KSR2: variants seen among roughly 807,000 people sequenced by gnomAD.
KSR2 encodes the protein kinase suppressor of ras 2.
In KSR2, 25 loss-of-function variants were observed where a neutral mutation model predicts 107.8. The ratio of observed to expected loss-of-function variants is 0.23; its 90% confidence interval spans 0.17 to 0.32. KSR2 has a LOEUF of 0.32. KSR2 is among the 10% of genes least tolerant of loss of function. The pLI, the probability that KSR2 is intolerant of heterozygous loss-of-function variation, is 1.00. For missense variants in KSR2, 887 were observed against 1,268.9 expected, an observed-to-expected ratio of 0.70 and a Z score of 4.57; for synonymous variants, 480 against 507.0, an observed-to-expected ratio of 0.95 and a Z score of 0.71.
chr12:117,713,895 C>T (rs1260291819), intron 4 of KSR2, among the ~76,000 whole-genome samples: 1 of 152,180 alleles, frequency 6.6e-6, no homozygotes, highest in African/African-American at 2.4e-5. Context: ...GCCAGCAACC[C>T]ATTGCTTCTA....
intron 5 of KSR2, among the ~76,000 whole-genome samples, chr12:117,667,023 A>G (rs1267585334): frequency 2.6e-5 from 4 of 152,214 alleles, no homozygotes; most frequent in Non-Finnish European, 5.9e-5. Context: ...TAAAGGTTAT[A>G]TATATTGACC....
At chr12:117,686,075 G>T (rs1156734428) in intron 4 of KSR2, among the ~76,000 whole-genome samples, 1 of 151,598 alleles carries the variant, frequency 6.6e-6, no homozygotes, top group Non-Finnish European at 1.5e-5. Flanking sequence ...TTGAAACAGG[G>T]TCTTGTTCTG....
Position 117,968,012 on chromosome 12 carries a change from G to A in KSR2, c.180+64C>T. Reference sequence around the variant, plus strand: ...GAAAGGGGACCGTGGGGAGAAAGGAGGGGGAAAGAAGGATTGCTTTTTTTT... The same window carrying A: ...GAAAGGGGACCGTGGGGAGAAAGGAAGGGGAAAGAAGGATTGCTTTTTTTT... On this transcript the variant is annotated intron_variant, in intron 1 of 19. Coordinates refer to ENST00000339824, the MANE Select transcript of KSR2 (RefSeq NM_173598.6). 8 of 1,395,526 alleles carry A rather than the reference G, an allele frequency of 5.7e-6. No individual in the cohort carries two copies. The South Asian group carries it at 8.7e-5, about 15-fold the overall frequency. 86.4% of individuals were successfully genotyped at this position (1,395,526 alleles called of 1,614,324 possible).
At chr12:117,773,491 C>T (rs1268706471) in intron 3 of KSR2, among the ~76,000 whole-genome samples, 2 of 152,166 alleles carry the variant, frequency 1.3e-5, no homozygotes, top group Non-Finnish European at 1.5e-5. Flanking sequence ...CAGGCAATCA[C>T]GTGGCTTAAA....
intron 5 of KSR2, among the ~76,000 whole-genome samples, chr12:117,605,941 CAGTT>C (rs1565922612): frequency 6.6e-6 from 1 of 152,054 alleles, no homozygotes; most frequent in African/African-American, 2.4e-5. Context: ...TTTTATGCCT[CAGTT>C]AGATTCCAGA....
intron 18 of KSR2, 80 bp from the exon 19 acceptor site, chr12:117,469,875 A>G: frequency 6.9e-7 from 1 of 1,440,870 alleles, no homozygotes; most frequent in Non-Finnish European, 9.6e-7. Context: ...TGGTCTGCCA[A>G]TTTGTCCACT....
chr12:117,921,797 C>T (rs796169849), intron 1 of KSR2, among the ~76,000 whole-genome samples: 9 of 152,300 alleles, frequency 5.9e-5, no homozygotes, highest in African/African-American at 1.9e-4. Flanking sequence ...ATTGGGCTCA[C>T]GTACCCCTTT....
intron 4 of KSR2, among the ~76,000 whole-genome samples, chr12:117,751,654 G>C (rs1351585089): frequency 6.6e-6 from 1 of 152,206 alleles, no homozygotes; most frequent in Non-Finnish European, 1.5e-5. Flanking sequence ...CATGAAGATA[G>C]AGTTTTTACA....
chr12:117,573,236 G>A (rs992283163), intron 7 of KSR2, among the ~76,000 whole-genome samples: 1 of 152,130 alleles, frequency 6.6e-6, no homozygotes, highest in Non-Finnish European at 1.5e-5. Flanking sequence ...CTTCCTGGGT[G>A]GAGGGTACCC....
chr12:117,622,394 GTC>G (rs1882245940), intron 5 of KSR2, among the ~76,000 whole-genome samples: 1 of 152,052 alleles, frequency 6.6e-6, no homozygotes, highest in Non-Finnish European at 1.5e-5. Context: ...AAAAGAAAGA[GTC>G]TATCTCAGAG....
rs745352288 is a variant in KSR2 at position 117,530,947 on chromosome 12, T to C, written c.1796A>G (p.Asn599Ser). ...PQVILHPVTS[N>S]PILEGNPLLQ... ...ATGTCTCTGTCTCACTTACATTGGATTCGAGGTCACCGGATGCAGGATGAC... is the reference window on the plus strand; with the variant it reads ...ATGTCTCTGTCTCACTTACATTGGACTCGAGGTCACCGGATGCAGGATGAC... The change falls in exon 12 of 20, where the codon AAT (asparagine) becomes AGT (serine). Residue 599 changes from asparagine (N) to serine (S), a missense_variant. Asn to Ser is a conservative substitution (Grantham distance 46). Coordinates refer to ENST00000339824, the MANE Select transcript of KSR2 (RefSeq NM_173598.6). The C allele has an allele frequency of 4.2e-5, 68 of 1,613,560 alleles. 1 individual carries two copies. The highest frequency in any genetic ancestry group is 5.4e-5 in the Non-Finnish European group (64 of 1,179,698).
chr12:117,537,440 A>T (rs1749881593), intron 10 of KSR2, among the ~76,000 whole-genome samples: 1 of 152,168 alleles, frequency 6.6e-6, no homozygotes, highest in Admixed American at 6.5e-5. Flanking sequence ...AGGAGCCCAG[A>T]TTTGTTGAGG....
intron 4 of KSR2, among the ~76,000 whole-genome samples, chr12:117,733,526 A>G (rs1387962860): frequency 3.3e-5 from 5 of 152,156 alleles, no homozygotes; most frequent in African/African-American, 1.2e-4. Context: ...TTATTTGCAC[A>G]CTGTCTACGG....
At chr12:117,722,292 T>C (rs1336495230) in intron 4 of KSR2, among the ~76,000 whole-genome samples, 3 of 152,184 alleles carry the variant, frequency 2.0e-5, no homozygotes, top group East Asian at 3.8e-4. Flanking sequence ...TCCAAACAGC[T>C]TGAGGATATC....
chr12:117,492,015 T>C (rs1213428071), intron 14 of KSR2, among the ~76,000 whole-genome samples: 24 of 152,222 alleles, frequency 1.6e-4, no homozygotes, highest in Admixed American at 1.6e-3. Flanking sequence ...CTCTAGCTTC[T>C]AGTGCACATG....
chr12:117,605,931 T>C (rs1881205266), intron 5 of KSR2, among the ~76,000 whole-genome samples: 2 of 152,134 alleles, frequency 1.3e-5, no homozygotes, highest in Non-Finnish European at 2.9e-5. Flanking sequence ...AAACGGCTTA[T>C]TTTATGCCTC....
intron 7 of KSR2, among the ~76,000 whole-genome samples, chr12:117,568,771 T>G (rs191384489): frequency 6.6e-6 from 1 of 152,310 alleles, no homozygotes; most frequent in East Asian, 1.9e-4. Context: ...CAGCCCCCAG[T>G]AGAATTATAA....
At chr12:117,538,100 G>A (rs537972142) in intron 10 of KSR2, among the ~76,000 whole-genome samples, 182 of 81,958 alleles carry the variant, frequency 2.2e-3, no homozygotes, top group African/African-American at 0.01. Context: ...GAAGTCTAAC[G>A]GTCTTTTTTT....
intron 5 of KSR2, among the ~76,000 whole-genome samples, chr12:117,617,125 A>T (rs1411622143): frequency 6.6e-6 from 1 of 152,054 alleles, no homozygotes; most frequent in African/African-American, 2.4e-5. Flanking sequence ...CTTGATCACT[A>T]TCTCTTCAAA....
Sources: allele counts gnomAD v4.1 joint callset (sites outside exome capture counted in the v4.1 genomes callset), GRCh38; gene constraint gnomAD v4.1.1; transcripts MANE v1.5; gene names NCBI Gene and HGNC (gene_info 2026-07-23, HGNC 2026-07-21).